EPHA6: variants seen among roughly 807,000 people sequenced by gnomAD.
EPHA6 encodes the protein EPH receptor A6.
In EPHA6, 50 loss-of-function variants were observed where a neutral mutation model predicts 112.0. The ratio of observed to expected loss-of-function variants is 0.45; its 90% CI spans 0.36 to 0.56. The LOEUF (loss-of-function observed/expected upper bound fraction) is 0.56. Among genes scored for constraint, EPHA6 ranks in the 20% least tolerant of loss-of-function variants. The pLI is 0.00. For synonymous variants in EPHA6, 529 were observed against 490.7 expected, an observed-to-expected ratio of 1.08 and a Z score of -1.03; for missense variants, 1,280 against 1,417.4, an observed-to-expected ratio of 0.90 and a Z score of 1.56.
intron 5 of EPHA6, among the ~76,000 whole-genome samples, chr3:97,285,687 G>A (rs1232866869): frequency 1.3e-5 from 2 of 152,058 alleles, no homozygotes; most frequent in Non-Finnish European, 2.9e-5. Context: ...AACATGGGGT[G>A]CAAATATCCT....
chr3:97,217,838 A>G (rs1014142503), intron 3 of EPHA6, among the ~76,000 whole-genome samples: 1 of 152,260 alleles, frequency 6.6e-6, no homozygotes, highest in Non-Finnish European at 1.5e-5. Context: ...GAAGGAAATT[A>G]AATGCTAATC....
At chr3:97,619,788 C>A (rs2093798730) in intron 13 of EPHA6, among the ~76,000 whole-genome samples, 1 of 152,102 alleles carries the variant, frequency 6.6e-6, no homozygotes, top group South Asian at 2.1e-4. Flanking sequence ...AATGGAAAAA[C>A]TTTCCATGAC....
intron 7 of EPHA6, among the ~76,000 whole-genome samples, chr3:97,472,345 A>G (rs1367584861): frequency 5.9e-5 from 9 of 151,702 alleles, no homozygotes; most frequent in Admixed American, 5.9e-4. Context: ...ACCCAAATCT[A>G]AACAACCAGA....
intron 5 of EPHA6, among the ~76,000 whole-genome samples, chr3:97,330,471 A>C (rs201385363): frequency 2.0e-5 from 3 of 152,004 alleles, no homozygotes; most frequent in Non-Finnish European, 2.9e-5. Context: ...TCTTCCATTT[A>C]TTTGTATCCT....
At chr3:97,086,038 G>A (rs577396562) in intron 3 of EPHA6, among the ~76,000 whole-genome samples, 3 of 150,662 alleles carry the variant, frequency 2.0e-5, no homozygotes, top group Admixed American at 1.3e-4. Flanking sequence ...GGGTTCAAGC[G>A]ACTCTCTTGC....
chr3:97,403,166 A>G (rs1183777231), intron 5 of EPHA6, among the ~76,000 whole-genome samples: 2 of 152,150 alleles, frequency 1.3e-5, no homozygotes, highest in African/African-American at 2.4e-5. Context: ...ATAACTTTAT[A>G]TATATATGAA....
intron 11 of EPHA6, among the ~76,000 whole-genome samples, chr3:97,572,169 G>A (rs1332781097): frequency 4.0e-5 from 1 of 24,878 alleles, no homozygotes; most frequent in Admixed American, 4.8e-4. Context: ...TTTTTTTTTT[G>A]AGACGGAGTC....
At position 97,096,275 on chromosome 3, in the gene EPHA6, C is replaced by CCACA. The variant is rs58752429; in HGVS notation, c.1114+108297_1114+108300dup. Among the ~76,000 whole-genome samples the CCACA allele has an allele frequency of 3.2e-3, 468 of 147,792 alleles. 2 individuals are homozygous for CCACA. Among genetic ancestry groups the CCACA allele is most frequent in the African/African-American group, 0.01 (424 of 40,662 alleles). Reference sequence around the variant, plus strand: ...CACACACATACACACACATACACACCCACACACACACACACACATATATAT... The same window carrying CCACA: ...CACACACATACACACACATACACACCCACACACACACACACACACACATATATAT... On this transcript the variant is annotated intron_variant, in intron 3 of 17. Coordinates refer to ENST00000389672, the MANE Select transcript of EPHA6 (RefSeq NM_001080448.3).
intron 11 of EPHA6, among the ~76,000 whole-genome samples, chr3:97,561,478 G>C (rs2093191516): frequency 6.6e-6 from 1 of 152,070 alleles, no homozygotes; most frequent in Admixed American, 6.6e-5. Context: ...GCCAAAGTCT[G>C]ATGGAGAGCA....
intron 14 of EPHA6, among the ~76,000 whole-genome samples, chr3:97,689,073 T>A (rs1346349012): frequency 6.6e-6 from 1 of 152,230 alleles, no homozygotes; most frequent in Non-Finnish European, 1.5e-5. Flanking sequence ...ACATTGTCAA[T>A]TTTGATGGAA....
At chr3:96,919,270 T>C (rs533010850) in intron 2 of EPHA6, among the ~76,000 whole-genome samples, 133 of 151,952 alleles carry the variant, frequency 8.8e-4, no homozygotes, top group Non-Finnish European at 1.4e-3. Context: ...CCAAGGAAAA[T>C]ATAAAGTATC....
intron 13 of EPHA6, among the ~76,000 whole-genome samples, chr3:97,620,704 C>A (rs2093806903): frequency 6.6e-6 from 1 of 151,888 alleles, no homozygotes; most frequent in South Asian, 2.1e-4. Context: ...AAATCAAAAC[C>A]ACAATGAGTT....
chr3:97,534,235 A>G (rs564904531), intron 11 of EPHA6, among the ~76,000 whole-genome samples: 1 of 152,288 alleles, frequency 6.6e-6, no homozygotes, highest in South Asian at 2.1e-4. Flanking sequence ...TGTAAACCAC[A>G]TTCAATAATA....
chr3:97,506,315 G>C (rs933359823), intron 10 of EPHA6, among the ~76,000 whole-genome samples: 9 of 152,092 alleles, frequency 5.9e-5, no homozygotes, highest in African/African-American at 2.2e-4. Context: ...TATGGTTTTA[G>C]GTCTTACATT....
At chr3:96,951,218 G>A (rs554900538) in intron 2 of EPHA6, among the ~76,000 whole-genome samples, 19 of 151,912 alleles carry the variant, frequency 1.3e-4, no homozygotes, top group African/African-American at 2.4e-4. Context: ...TTTTTATACT[G>A]TATTACTTTT....
intron 12 of EPHA6, among the ~76,000 whole-genome samples, chr3:97,597,329 G>A (rs769978199): frequency 5.9e-5 from 9 of 152,124 alleles, no homozygotes; most frequent in Non-Finnish European, 1.2e-4. Flanking sequence ...AAAGGAAATG[G>A]CAAAGATAGC....
At chr3:97,362,015 C>T in intron 5 of EPHA6, among the ~76,000 whole-genome samples, 1 of 152,128 alleles carries the variant, frequency 6.6e-6, no homozygotes, top group South Asian at 2.1e-4. Context: ...CTAAGATGCT[C>T]AGGTTATGTG....
intron 6 of EPHA6, among the ~76,000 whole-genome samples, chr3:97,413,186 C>G (rs1004009783): frequency 6.6e-6 from 1 of 151,810 alleles, no homozygotes; most frequent in African/African-American, 2.4e-5. Context: ...ACTACTCTTC[C>G]AGCAAAGAAA....
At chr3:97,263,266 CT>C (rs1249739133) in intron 5 of EPHA6, among the ~76,000 whole-genome samples, 1 of 151,992 alleles carries the variant, frequency 6.6e-6, no homozygotes, top group African/African-American at 2.4e-5. Flanking sequence ...ATAATTCTTA[CT>C]TTTTTATTAG....
Sources: allele counts gnomAD v4.1 joint callset (sites outside exome capture counted in the v4.1 genomes callset), GRCh38; gene constraint gnomAD v4.1.1; transcripts MANE v1.5; gene names NCBI Gene and HGNC (gene_info 2026-07-23, HGNC 2026-07-21).